EML5: variants seen among roughly 807,000 people sequenced by gnomAD.
EML5 encodes the protein EMAP like 5.
In EML5, 120 loss-of-function variants were observed where a neutral mutation model predicts 250.0. The ratio of observed to expected loss-of-function variants is 0.48; its 90% confidence interval spans 0.41 to 0.56. EML5 has a LOEUF of 0.56. EML5 is among the 20% of genes least tolerant of loss of function. The probability of loss-of-function intolerance (pLI) is 0.00; values close to 1 mark genes in which losing one functional copy is unlikely to be tolerated. For synonymous variants in EML5, 771 were observed against 806.5 expected, an observed-to-expected ratio of 0.96 and a Z score of 0.75; for missense variants, 2,006 against 2,437.6, an observed-to-expected ratio of 0.82 and a Z score of 3.73.
At chr14:88,640,770 A>G (rs1019950497) in intron 31 of EML5, among the ~76,000 whole-genome samples, 2 of 152,132 alleles carry the variant, frequency 1.3e-5, no homozygotes, top group Non-Finnish European at 2.9e-5. Flanking sequence ...AAAATAAAAA[A>G]ATCGGTTTTT....
intron 6 of EML5, among the ~76,000 whole-genome samples, chr14:88,736,778 T>C (rs1157637214): frequency 6.6e-6 from 1 of 152,170 alleles, no homozygotes; most frequent in Non-Finnish European, 1.5e-5. Flanking sequence ...TTTCCTCTGA[T>C]TGATCCCCAC....
intron 4 of EML5, among the ~76,000 whole-genome samples, chr14:88,742,199 T>C (rs1241592810): frequency 6.6e-6 from 1 of 152,106 alleles, no homozygotes; most frequent in Non-Finnish European, 1.5e-5. Flanking sequence ...AGAACTATTG[T>C]TCTAGAATCC....
At chr14:88,635,467 T>C (rs1283309557) in intron 32 of EML5, among the ~76,000 whole-genome samples, 2 of 152,182 alleles carry the variant, frequency 1.3e-5, no homozygotes, top group Non-Finnish European at 2.9e-5. Flanking sequence ...GGTTTGTCTC[T>C]GAATATTAAC....
chr14:88,724,273 CAAAAAAA>C (rs1158845753), intron 8 of EML5, among the ~76,000 whole-genome samples: 11 of 80,730 alleles, frequency 1.4e-4, no homozygotes, highest in Non-Finnish European at 2.2e-4. Flanking sequence ...GACTCCATAT[CAAAAAAA>C]AAAAAAAAAA....
chr14:88,758,129 T>C (rs2094188572), intron 1 of EML5, among the ~76,000 whole-genome samples: 2 of 151,634 alleles, frequency 1.3e-5, no homozygotes, highest in Non-Finnish European at 2.9e-5. Context: ...AATTCTAGTA[T>C]TACAGGCATG....
In EML5 at chr14:88,712,251, T is replaced by C. The variant is rs776439948; in HGVS notation, c.1657+20A>G. 4.6e-6 allele frequency: 7 copies of C among 1,535,092 alleles called. No homozygotes were observed. Among genetic ancestry groups the C allele is most frequent in the Non-Finnish European group, 6.3e-6 (7 of 1,111,622 alleles). On this transcript the variant is annotated intron_variant, in intron 10 of 43. Transcript: ENST00000554922. ...CTTCTGTGAGAGAGAGGTTACTTAA[T>C]ATTTTGAAAGAAAAGGTACCTTTTC...
At chr14:88,660,468 C>T (rs1245460447) in intron 25 of EML5, among the ~76,000 whole-genome samples, 1 of 151,984 alleles carries the variant, frequency 6.6e-6, no homozygotes. Flanking sequence ...GTTGGCGAGG[C>T]CCAGTGGCTC....
chr14:88,758,204 T>A (rs533376800), intron 1 of EML5, among the ~76,000 whole-genome samples: 3 of 151,850 alleles, frequency 2.0e-5, no homozygotes, highest in South Asian at 2.1e-4. Flanking sequence ...GTATTTATTT[T>A]TTTTTGACAC....
intron 1 of EML5, among the ~76,000 whole-genome samples, chr14:88,786,649 TG>T (rs2094553891): frequency 6.6e-6 from 1 of 152,150 alleles, no homozygotes; most frequent in Non-Finnish European, 1.5e-5. Context: ...ATTTGAATCA[TG>T]GGGGCAGTTT....
intron 1 of EML5, among the ~76,000 whole-genome samples, chr14:88,767,832 A>G (rs1481350612): frequency 6.6e-6 from 1 of 152,082 alleles, no homozygotes; most frequent in Non-Finnish European, 1.5e-5. Context: ...CGGGAAGAAG[A>G]AGGAAATTAA....
At chr14:88,634,907 T>C (rs1370718728) in intron 32 of EML5, among the ~76,000 whole-genome samples, 5 of 152,224 alleles carry the variant, frequency 3.3e-5, no homozygotes, top group African/African-American at 2.4e-5. Flanking sequence ...CTAAAGATTT[T>C]CCGTATGCAT....
At chr14:88,681,601 C>T (rs543719046) in intron 21 of EML5, among the ~76,000 whole-genome samples, 1 of 152,136 alleles carries the variant, frequency 6.6e-6, no homozygotes, top group Admixed American at 6.6e-5. Context: ...ATGTATAATC[C>T]ATAGTCACAA....
At position 88,621,105 on chromosome 14, in the gene EML5, GTACT is replaced by G; in HGVS notation, c.5202+4_5202+7del. On this transcript the variant is annotated splice_donor_5th_base_variant and intron_variant, in intron 38 of 43. Transcript: ENST00000554922. The stretch of plus-strand genomic sequence containing the variant: ...GTAACCTCTTTTAAAAAAATTATCT[GTACT>G]TACTTTATCAGCAATATCCCAAAGT... 6.2e-7 allele frequency: 1 copy of G among 1,612,328 alleles called. No individual in the cohort carries two copies. The highest frequency in any genetic ancestry group is 8.5e-7 in the Non-Finnish European group (1 of 1,179,216).
At chr14:88,626,558 A>T (rs558659003) in intron 35 of EML5, 1 of 368,896 alleles carries the variant, frequency 2.7e-6, no homozygotes, top group Non-Finnish European at 5.0e-6. Context: ...TGGAGGCTAC[A>T]GTGAGCTATA....
At chr14:88,782,792 T>C (rs547728608) in intron 1 of EML5, among the ~76,000 whole-genome samples, 14 of 152,240 alleles carry the variant, frequency 9.2e-5, no homozygotes, top group Non-Finnish European at 1.8e-4. Context: ...TGTATGAAAA[T>C]GCCTGGATCG....
rs148282706 is a variant in EML5 at position 88,745,167 on chromosome 14, T to TTGTTTGTTTGTGTGTGTGTGTGTGTGTG, written c.456+1017_456+1018insCACACACACACACACACACAAACAAACA. Among the ~76,000 whole-genome samples, 204 of 145,272 alleles carry TTGTTTGTTTGTGTGTGTGTGTGTGTGTG rather than the reference T, an allele frequency of 1.4e-3. 1 individual carries two copies. The highest frequency in any genetic ancestry group is 4.8e-3 in the African/African-American group (187 of 38,982). On this transcript the variant is annotated intron_variant, in intron 3 of 43. Transcript: ENST00000554922. ...TTTAATAATGGTCTAAATTGTGTGT[T>TTGTTTGTTTGTGTGTGTGTGTGTGTGTG]TGTGTGTGTGTGTGTGTGTGTGTGT...
intron 8 of EML5, among the ~76,000 whole-genome samples, chr14:88,725,968 A>C (rs534618628): frequency 6.6e-6 from 1 of 151,142 alleles, no homozygotes; most frequent in African/African-American, 2.4e-5. Flanking sequence ...GTAGAGAAGA[A>C]AGACTTCGTA....
intron 27 of EML5, among the ~76,000 whole-genome samples, chr14:88,650,266 A>G (rs1816824272): frequency 6.6e-6 from 1 of 152,150 alleles, no homozygotes; most frequent in Non-Finnish European, 1.5e-5. Context: ...CAGCCTAGCC[A>G]ACATGGTGAA....
chr14:88,685,745 C>T (rs975769809), intron 19 of EML5, among the ~76,000 whole-genome samples: 3 of 152,030 alleles, frequency 2.0e-5, no homozygotes, highest in East Asian at 1.9e-4. Context: ...CCACCACAGC[C>T]GGCCCCCATG....
Sources: gnomAD v4.1 joint callset for allele counts (sites outside exome capture counted in the v4.1 genomes callset) on GRCh38, gnomAD v4.1.1 for gene constraint, MANE v1.5 for transcripts, NCBI Gene and HGNC (gene_info 2026-07-23, HGNC 2026-07-21) for gene names.